PRKAG2: variants seen among roughly 807,000 people sequenced by gnomAD.
The protein encoded by PRKAG2 is 5'-AMP-activated protein kinase subunit gamma-2.
Under a neutral mutation model 69.6 loss-of-function variants are expected in PRKAG2, and 26 were observed. That is an observed-to-expected ratio of 0.37 (90% confidence interval 0.27 to 0.52). PRKAG2 has a LOEUF of 0.52. PRKAG2 is among the 20% of genes least tolerant of loss of function. The probability of loss-of-function intolerance (pLI) is 0.90; values close to 1 mark genes in which losing one functional copy is unlikely to be tolerated. For synonymous variants in PRKAG2, 293 were observed against 285.0 expected, an observed-to-expected ratio of 1.03 and a Z score of -0.28; for missense variants, 557 against 740.0, an observed-to-expected ratio of 0.75 and a Z score of 2.87.
chr7:151,845,715 GGGC>G (rs2079414190), intron 1 of PRKAG2, among the ~76,000 whole-genome samples: 2 of 152,316 alleles, frequency 1.3e-5, no homozygotes, highest in East Asian at 1.9e-4. Context: ...TAAATGCTGA[GGGC>G]GGCAGGTAGT....
At chr7:151,808,533 C>A (rs956721237) in intron 1 of PRKAG2, among the ~76,000 whole-genome samples, 13 of 151,988 alleles carry the variant, frequency 8.6e-5, no homozygotes, top group Non-Finnish European at 1.6e-4. Flanking sequence ...GATGCACAGT[C>A]AGCAGACGGG....
intron 3 of PRKAG2, among the ~76,000 whole-genome samples, chr7:151,702,966 G>A (rs1415429355): frequency 6.6e-6 from 1 of 152,278 alleles, no homozygotes; most frequent in South Asian, 2.1e-4. Context: ...CCAAGGGCAC[G>A]ATTTTGCCTC....
chr7:151,876,807 G>T lies in PRKAG2; in HGVS notation c.-187C>A. ...CGGCCGCCGCCGCCGCCGAAGCGCC[G>T]AATTCAAGCGTCCTTTCCTACGGAA... is the stretch of plus-strand genomic sequence containing the variant. On this transcript the variant is annotated 5_prime_UTR_variant, in exon 1 of 16. Transcript: ENST00000287878. 3.1e-6 allele frequency: 2 copies of T among 655,044 alleles called. No homozygotes were observed. The highest frequency in any genetic ancestry group is 5.4e-6 in the Non-Finnish European group (2 of 367,224). The allele number at this position is 655,044 out of a possible 1,614,324, so 40.6% of individuals were successfully genotyped here. A position where few individuals can be genotyped will look rare whatever the true frequency, so the allele number is the denominator to read the frequency against.
At chr7:151,597,556 T>C (rs1814855711) in intron 5 of PRKAG2, among the ~76,000 whole-genome samples, 1 of 151,870 alleles carries the variant, frequency 6.6e-6, no homozygotes, top group Non-Finnish European at 1.5e-5. Flanking sequence ...CAAAACAGAT[T>C]AGGAACTCAA....
At chr7:151,795,992 A>T (rs1272238573) in intron 1 of PRKAG2, among the ~76,000 whole-genome samples, 1 of 147,662 alleles carries the variant, frequency 6.8e-6, no homozygotes, top group African/African-American at 2.5e-5. Flanking sequence ...ATGTATATTA[A>T]GGAGATATAA....
chr7:151,807,478 G>A lies in PRKAG2; in HGVS notation c.115-20937C>T, dbSNP rs535640041. 6 of 457,850 alleles carry A rather than the reference G, an allele frequency of 1.3e-5. No individual in the cohort carries two copies. Among genetic ancestry groups the A allele is most frequent in the East Asian group, 7.0e-5 (1 of 14,386 alleles). The allele number at this position is 457,850 out of a possible 1,614,324, so 28.4% of individuals were successfully genotyped here. On this transcript the variant is annotated intron_variant, in intron 1 of 15. Coordinates refer to ENST00000287878, the MANE Select transcript of PRKAG2 (RefSeq NM_016203.4). The surrounding 1 kb of genome is among the most constrained non-coding windows in gnomAD (Gnocchi z 4.4). Reference sequence around the variant, plus strand: ...CCTCTTGGTGCCAAAGCACCATGGCGTGTTACACCTATCAGATCGGGCACA... The same window carrying A: ...CCTCTTGGTGCCAAAGCACCATGGCATGTTACACCTATCAGATCGGGCACA...
chr7:151,796,093 C>T (rs2077522567), intron 1 of PRKAG2, among the ~76,000 whole-genome samples: 1 of 151,716 alleles, frequency 6.6e-6, no homozygotes, highest in Admixed American at 6.6e-5. Flanking sequence ...AGTCTTGGTT[C>T]TCCTTCTCTG....
intron 5 of PRKAG2, chr7:151,631,666 G>A: frequency 2.2e-6 from 1 of 457,080 alleles, no homozygotes; most frequent in South Asian, 1.5e-5. Flanking sequence ...CGCAGATAAG[G>A]GCACCAGTCT....
chr7:151,651,603 C>T (rs1828515801), intron 4 of PRKAG2, among the ~76,000 whole-genome samples: 1 of 151,922 alleles, frequency 6.6e-6, no homozygotes, highest in Middle Eastern at 3.2e-3. Flanking sequence ...CGAGACTCCA[C>T]CTAAAAACAA....
At chr7:151,851,945 C>G (rs1036227070) in intron 1 of PRKAG2, among the ~76,000 whole-genome samples, 3 of 152,178 alleles carry the variant, frequency 2.0e-5, no homozygotes, top group African/African-American at 7.2e-5. Flanking sequence ...CACTCCCTCT[C>G]AGCTGGAGGG....
intron 5 of PRKAG2, among the ~76,000 whole-genome samples, chr7:151,623,363 CAAAAAAAAAAA>C (rs71198724): frequency 3.0e-4 from 11 of 36,664 alleles, no homozygotes; most frequent in Admixed American, 2.6e-3. Flanking sequence ...GACTCTGTCT[CAAAAAAAAAAA>C]AAAAAAAAAA....
chr7:151,697,877 C>A (rs143025171), intron 3 of PRKAG2, among the ~76,000 whole-genome samples: 1 of 152,310 alleles, frequency 6.6e-6, no homozygotes, highest in African/African-American at 2.4e-5. Flanking sequence ...CGGGTCAAGG[C>A]GAATCCAAGC....
At chr7:151,783,870 A>G (rs2076858747) in intron 2 of PRKAG2, among the ~76,000 whole-genome samples, 1 of 142,746 alleles carries the variant, frequency 7.0e-6, no homozygotes, top group African/African-American at 2.6e-5. Context: ...AGGTGACACT[A>G]CTGTACTCCA....
intron 6 of PRKAG2, among the ~76,000 whole-genome samples, chr7:151,584,714 T>C (rs911849947): frequency 2.0e-5 from 3 of 151,898 alleles, no homozygotes; most frequent in Admixed American, 1.3e-4. Context: ...CTGGGCAACA[T>C]AGCAAAACCC....
intron 14 of PRKAG2, among the ~76,000 whole-genome samples, chr7:151,561,020 T>C (rs1804835250): frequency 6.6e-6 from 1 of 152,188 alleles, no homozygotes; most frequent in South Asian, 2.1e-4. Flanking sequence ...ATGTTCAATG[T>C]GTTACTGTCT....
Position 151,780,110 on chromosome 7 carries a change from T to C in PRKAG2, c.466+1042A>G, listed in dbSNP as rs1249494680. ...CGAAGTGCAAAATCTGTCCAAGAGATAGATCTGCTCCACTCACACAGAATA... is the reference window on the plus strand; with the variant it reads ...CGAAGTGCAAAATCTGTCCAAGAGACAGATCTGCTCCACTCACACAGAATA... On this transcript the variant is annotated intron_variant, in intron 3 of 15. Transcript: ENST00000287878. This position sits in a 1 kb window ranked among gnomAD's most constrained non-coding sequence, Gnocchi z 4.2. Among the ~76,000 whole-genome samples, 2 of 152,152 alleles carry C rather than the reference T, an allele frequency of 1.3e-5. No homozygotes were observed. The highest frequency in any genetic ancestry group is 4.8e-5 in the African/African-American group (2 of 41,430).
At chr7:151,645,583 T>A (rs761960701) in intron 4 of PRKAG2, among the ~76,000 whole-genome samples, 5 of 152,176 alleles carry the variant, frequency 3.3e-5, no homozygotes, top group Admixed American at 6.5e-5. Context: ...CAATGGGTTT[T>A]AAAAAAATGC....
intron 3 of PRKAG2, among the ~76,000 whole-genome samples, chr7:151,759,059 CAATT>C (rs1338720636): frequency 6.6e-6 from 1 of 152,162 alleles, no homozygotes. Flanking sequence ...CTGTATCGCT[CAATT>C]AAAACCTGGA....
At chr7:151,775,896 G>C (rs762651051) in intron 3 of PRKAG2, among the ~76,000 whole-genome samples, 11 of 152,196 alleles carry the variant, frequency 7.2e-5, no homozygotes, top group African/African-American at 1.7e-4. Flanking sequence ...CTAGGGCAGT[G>C]GGGGAGCAAT....
Sources: allele counts gnomAD v4.1 joint callset (sites outside exome capture counted in the v4.1 genomes callset), GRCh38; gene constraint gnomAD v4.1.1; non-coding constraint Gnocchi (gnomAD v3.1); transcripts MANE v1.5; gene names NCBI Gene and HGNC (gene_info 2026-07-23, HGNC 2026-07-21).